The following CBY2 variants were observed in gnomAD, a reference collection of about 807,000 sequenced individuals.
The protein encoded by CBY2 is protein chibby homolog 2.
In CBY2, 23 loss-of-function variants were observed where a neutral mutation model predicts 25.3. That is an observed-to-expected ratio of 0.91 (90% CI 0.65 to 1.29). The LOEUF (loss-of-function observed/expected upper bound fraction) is 1.29, where lower values mean the gene tolerates loss of function less well. Among genes scored for constraint, CBY2 ranks in the 50% most tolerant of loss-of-function variants. CBY2 has a pLI of 0.00. For missense variants in CBY2, 642 were observed against 590.7 expected (o/e 1.09, Z -0.90); for synonymous variants, 279 against 260.2 (o/e 1.07, Z -0.70).
Position 45,702,870 on chromosome 13 carries a change from A to T in CBY2, c.156+15A>T, listed in dbSNP as rs766966891. On this transcript the variant is annotated intron_variant, in intron 2 of 2. Coordinates refer to ENST00000310521, the MANE Select transcript of CBY2 (RefSeq NM_152719.3). ...TTCTACCTCAGGTAGGGATAATCAC[A>T]GAAGGATGTAACCTATCAGTGTTAG... The T allele has an allele frequency of 6.3e-7, 1 of 1,589,556 alleles. No individual in the cohort carries two copies. The highest frequency in any genetic ancestry group is 8.6e-7 in the Non-Finnish European group (1 of 1,157,690).
chr13:45,709,819 T>A (rs543959158), intron 2 of CBY2, among the ~76,000 whole-genome samples: 1 of 152,282 alleles, frequency 6.6e-6, no homozygotes, highest in African/African-American at 2.4e-5. Context: ...GGAAAAGATA[T>A]CATGTTCCCC....
Position 45,713,467 on chromosome 13 carries a change from T to C in CBY2, c.442T>C (p.Ser148Pro), listed in dbSNP as rs545606229. ...CTGCCGCCTGCAGTCTCCCTACTTC[T>C]CCCCATCCGCCTCCTTCCACCACAA... The part of the protein sequence containing the change: ...ENCRLQSPYF[S>P]PSASFHHKLH... Residue 148 changes from serine to proline, a missense_variant, in exon 3 of 3, where the codon TCC becomes CCC. Physicochemically the swap from Ser to Pro is moderately conservative, Grantham distance 74. Transcript: ENST00000310521. The surrounding 1 kb of genome is among the most constrained non-coding windows in gnomAD (Gnocchi z 5.0). The C allele has an allele frequency of 8.7e-6, 14 of 1,614,062 alleles. No homozygotes were observed. The highest frequency in any genetic ancestry group is 1.2e-5 in the Non-Finnish European group (14 of 1,180,032).
At position 45,713,179 on chromosome 13, in the gene CBY2, C is replaced by A; in HGVS notation, c.157-3C>A. 6.2e-7 allele frequency: 1 copy of A among 1,605,266 alleles called. No individual in the cohort carries two copies. Among genetic ancestry groups the A allele is most frequent in the Non-Finnish European group, 8.5e-7 (1 of 1,174,902 alleles). On this transcript the variant is annotated splice_polypyrimidine_tract_variant and splice_region_variant and intron_variant, in intron 2 of 2. Transcript: ENST00000310521. The surrounding 1 kb of genome is among the most constrained non-coding windows in gnomAD (Gnocchi z 5.0). Reference sequence around the variant, plus strand: ...CGCTGGGCTTTCCCATTCTCTCCCGCAGAGGGGCACAGCCGAACCCTTCCC... The same window carrying A: ...CGCTGGGCTTTCCCATTCTCTCCCGAAGAGGGGCACAGCCGAACCCTTCCC...
rs574446712 is a variant in CBY2, at chr13:45,713,377, C to A, written c.352C>A (p.Pro118Thr). 7 of 1,614,220 alleles carry A rather than the reference C, an allele frequency of 4.3e-6. No homozygotes were observed. In the African/African-American group the frequency reaches 8.0e-5, roughly 18 times the overall value. The change falls in exon 3 of 3, where the codon CCG (proline) becomes ACG (threonine). Residue 118 changes from proline (P) to threonine (T), a missense_variant. Coordinates refer to ENST00000310521, the MANE Select transcript of CBY2 (RefSeq NM_152719.3). This position sits in a 1 kb window ranked among gnomAD's most constrained non-coding sequence, Gnocchi z 5.0. Reference sequence around the variant, plus strand: ...GGCCGACCTGGAGCTGGACTACAACCCGCCGCGGGTGCAGCTCAGCGACGA... The same window carrying A: ...GGCCGACCTGGAGCTGGACTACAACACGCCGCGGGTGCAGCTCAGCGACGA... ...SQADLELDYN[P>T]PRVQLSDEMF...
At chr13:45,710,173 A>G (rs1950261592) in intron 2 of CBY2, among the ~76,000 whole-genome samples, 1 of 152,126 alleles carries the variant, frequency 6.6e-6, no homozygotes, top group Non-Finnish European at 1.5e-5. Flanking sequence ...TAGCTTCTGG[A>G]GTCAAATCCT....
Position 45,713,743 on chromosome 13 carries a change from C to T in CBY2, c.718C>T (p.Arg240Cys). 1 of 1,610,678 alleles carries T rather than the reference C, an allele frequency of 6.2e-7. No individual in the cohort carries two copies. Among genetic ancestry groups the T allele is most frequent in the East Asian group, 2.2e-5 (1 of 44,796 alleles). Residue 240 changes from arginine to cysteine, a missense_variant, in exon 3 of 3, where the codon CGT becomes TGT. Transcript: ENST00000310521. This position sits in a 1 kb window ranked among gnomAD's most constrained non-coding sequence, Gnocchi z 5.0. The stretch of plus-strand genomic sequence containing the variant: ...GGACCACGTCGCCCTGCAGGTGCCC[C>T]GTGGCAAGGAGGACAGCACCCTGCA... ...KKDHVALQVP[R>C]GKEDSTLQLL...
intron 2 of CBY2, among the ~76,000 whole-genome samples, chr13:45,712,416 TA>T (rs1370615240): frequency 6.6e-6 from 1 of 152,244 alleles, no homozygotes; most frequent in Non-Finnish European, 1.5e-5. Flanking sequence ...TTGACCACCA[TA>T]ATATATAACT....
Position 45,713,634 on chromosome 13 carries a change from C to T in CBY2, c.609C>T (p.His203=), listed in dbSNP as rs756614272. The change falls in exon 3 of 3, where the codon CAC becomes CAT. Residue 203 remains histidine (H), a synonymous_variant. Coordinates refer to ENST00000310521, the MANE Select transcript of CBY2 (RefSeq NM_152719.3). The surrounding 1 kb of genome is among the most constrained non-coding windows in gnomAD (Gnocchi z 5.0). ...TCCTACAGGTCTTCTGGGAGGAGCA[C>T]AAGGCCTCGCTGGGCCGAGAGGAGA... ...NKILQVFWEE[H]KASLGREESR... is the part of the protein sequence containing the mutation. The T allele has an allele frequency of 1.1e-5, 17 of 1,613,678 alleles. No individual in the cohort carries two copies. Among genetic ancestry groups the T allele is most frequent in the Middle Eastern group, 3.3e-4 (2 of 6,062 alleles).
chr13:45,704,569 G>A lies in CBY2; in HGVS notation c.156+1714G>A, dbSNP rs929076148. 6.6e-6 allele frequency among the ~76,000 whole-genome samples: 1 copy of A among 152,188 alleles called. No individual in the cohort carries two copies. The highest frequency in any genetic ancestry group is 2.4e-5 in the African/African-American group (1 of 41,448). On this transcript the variant is annotated intron_variant, in intron 2 of 2. Coordinates refer to ENST00000310521, the MANE Select transcript of CBY2 (RefSeq NM_152719.3). The surrounding 1 kb of genome is among the most constrained non-coding windows in gnomAD (Gnocchi z 4.1). ...CACCAGGCCTGCGAGAGGGACCAGT[G>A]TGCTCACTCTACCTCCCTAAATGAG...
chr13:45,707,551 C>A (rs1369828674), intron 2 of CBY2, among the ~76,000 whole-genome samples: 1 of 152,152 alleles, frequency 6.6e-6, no homozygotes, highest in Non-Finnish European at 1.5e-5. Context: ...GCCAAGGACT[C>A]ATTAAGCCTC....
chr13:45,713,601 G>A lies in CBY2; in HGVS notation c.576G>A (p.Glu192=). ...AGGAGAACCGGATGCTCAGCAAGGAGAACAAGATCCTACAGGTCTTCTGGG... is the reference window on the plus strand; with the variant it reads ...AGGAGAACCGGATGCTCAGCAAGGAAAACAAGATCCTACAGGTCTTCTGGG... The part of the protein sequence containing the change: ...LREENRMLSK[E]NKILQVFWEE... The change falls in exon 3 of 3, where the codon GAG becomes GAA. Residue 192 remains glutamate (E), a synonymous_variant. Coordinates refer to ENST00000310521, the MANE Select transcript of CBY2 (RefSeq NM_152719.3). The surrounding 1 kb of genome is among the most constrained non-coding windows in gnomAD (Gnocchi z 5.0). 2.5e-6 allele frequency: 4 copies of A among 1,614,012 alleles called. No homozygotes were observed. Among genetic ancestry groups the A allele is most frequent in the Non-Finnish European group, 3.4e-6 (4 of 1,180,012 alleles).
rs1566071999 is a variant in CBY2, at chr13:45,713,795, TGCA to T, written c.776_778del (p.Gln259del). Reference sequence around the variant, plus strand: ...CTCCTCCGGGAGGAGAATCGCGCGCTGCAGCAGCTGCTGGAGCAGAAACAGGCC... The same window carrying T: ...CTCCTCCGGGAGGAGAATCGCGCGCTGCAGCTGCTGGAGCAGAAACAGGCC... On this transcript the variant is annotated inframe_deletion, in exon 3 of 3. Transcript: ENST00000310521. The surrounding 1 kb of genome is among the most constrained non-coding windows in gnomAD (Gnocchi z 5.0). The T allele has an allele frequency of 2.5e-6, 4 of 1,572,224 alleles. No homozygotes were observed.
Position 45,702,860 on chromosome 13 carries a change from G to C in CBY2, c.156+5G>C. ...ATCAGTGTGGTTCTACCTCAGGTAG[G>C]GATAATCACAGAAGGATGTAACCTA... On this transcript the variant is annotated splice_donor_5th_base_variant and intron_variant, in intron 2 of 2. Transcript: ENST00000310521. The C allele has an allele frequency of 6.2e-7, 1 of 1,604,298 alleles. No homozygotes were observed. Among genetic ancestry groups the C allele is most frequent in the Non-Finnish European group, 8.5e-7 (1 of 1,171,148 alleles).
intron 2 of CBY2, among the ~76,000 whole-genome samples, chr13:45,706,492 A>T (rs2137503056): frequency 6.6e-6 from 1 of 152,334 alleles, no homozygotes; most frequent in East Asian, 1.9e-4. Flanking sequence ...ACAGGAAGGC[A>T]TGATGAGCCC....
rs973269444 is a variant in CBY2, at chr13:45,704,533, A to G, written c.156+1678A>G. Reference sequence around the variant, plus strand: ...TGGGTGTCTACAACTAGATGATCCGAACCAAAATACCACCAGGCCTGCGAG... The same window carrying G: ...TGGGTGTCTACAACTAGATGATCCGGACCAAAATACCACCAGGCCTGCGAG... On this transcript the variant is annotated intron_variant, in intron 2 of 2. Coordinates refer to ENST00000310521, the MANE Select transcript of CBY2 (RefSeq NM_152719.3). This position sits in a 1 kb window ranked among gnomAD's most constrained non-coding sequence, Gnocchi z 4.1. Among the ~76,000 whole-genome samples the G allele has an allele frequency of 1.3e-5, 2 of 152,168 alleles. No individual in the cohort carries two copies. Among genetic ancestry groups the G allele is most frequent in the African/African-American group, 4.8e-5 (2 of 41,438 alleles).
rs1461575948 is a variant in CBY2, at chr13:45,714,236, A to G, written c.1211A>G (p.Asn404Ser). The G allele has an allele frequency of 6.2e-7, 1 of 1,613,028 alleles. No homozygotes were observed. The highest frequency in any genetic ancestry group is 8.5e-7 in the Non-Finnish European group (1 of 1,179,906). ...QEENKALWEN[N>S]KLKLQQKLVI... ...GAGAACAAGGCCCTGTGGGAGAACAACAAGCTGAAGCTGCAGCAGAAGCTG... is the reference window on the plus strand; with the variant it reads ...GAGAACAAGGCCCTGTGGGAGAACAGCAAGCTGAAGCTGCAGCAGAAGCTG... Residue 404 changes from asparagine (N) to serine (S), a missense_variant, in exon 3 of 3, where the codon AAC (asparagine) becomes AGC (serine). Transcript: ENST00000310521.
intron 2 of CBY2, chr13:45,703,696 G>A: frequency 2.1e-6 from 2 of 946,114 alleles, no homozygotes; most frequent in Non-Finnish European, 3.2e-6. Flanking sequence ...ATGTTCAGCG[G>A]GAGGCAAAAA....
At position 45,714,043 on chromosome 13, in the gene CBY2, G is replaced by T; in HGVS notation, c.1018G>T (p.Glu340Ter). The T allele has an allele frequency of 6.7e-7, 1 of 1,498,056 alleles. No individual in the cohort carries two copies. Among genetic ancestry groups the T allele is most frequent in the South Asian group, 1.3e-5 (1 of 76,216 alleles). 92.8% of individuals were successfully genotyped at this position (1,498,056 alleles called of 1,614,324 possible). ...CAGCAACATGTCCGGGCCCTCCGGG[G>T]AGGAGGAGGCCAAGGTGGGCCCGGG... ...MVSNMSGPSG[E>*]EEAKVGPGLP... The change falls in exon 3 of 3, where the codon GAG (glutamate) becomes TAG (stop). Residue 340 changes from glutamate (E) to a stop codon, truncating the protein, a stop_gained. Coordinates refer to ENST00000310521, the MANE Select transcript of CBY2 (RefSeq NM_152719.3). LOFTEE classifies it high-confidence loss of function.
chr13:45,707,839 T>C (rs1469780067), intron 2 of CBY2, among the ~76,000 whole-genome samples: 2 of 152,242 alleles, frequency 1.3e-5, no homozygotes, highest in Non-Finnish European at 2.9e-5. Context: ...TGCAGAATCA[T>C]GCCAGTTCTT....
Sources: gnomAD v4.1 joint callset for allele counts (sites outside exome capture counted in the v4.1 genomes callset) on GRCh38, gnomAD v4.1.1 for gene constraint, Gnocchi (gnomAD v3.1) non-coding constraint, MANE v1.5 for transcripts, NCBI Gene and HGNC (gene_info 2026-07-23, HGNC 2026-07-21) for gene names.